Variants in HSPA14 observed in about 807,000 individuals in gnomAD.
HSPA14 encodes the protein heat shock 70 kDa protein 14.
Under a neutral mutation model 65.5 loss-of-function variants are expected in HSPA14, and 37 were observed. The observed-to-expected ratio is 0.56, with a 90% confidence interval of 0.43 to 0.74. HSPA14 has a LOEUF of 0.74. Ranked by LOEUF, HSPA14 falls within the 30% of genes least tolerant of loss-of-function variation. HSPA14 has a pLI of 0.00. For missense variants in HSPA14, 564 were observed against 607.6 expected, an observed-to-expected ratio of 0.93 and a Z score of 0.75; for synonymous variants, 203 against 214.2, an observed-to-expected ratio of 0.95 and a Z score of 0.46.
chr10:14,853,153 T>C (rs879675196), intron 8 of HSPA14, among the ~76,000 whole-genome samples: 7 of 152,106 alleles, frequency 4.6e-5, no homozygotes, highest in Non-Finnish European at 8.8e-5. Context: ...GTTGAAGAAG[T>C]CTTGAAAAAG....
intron 6 of HSPA14, among the ~76,000 whole-genome samples, chr10:14,850,319 C>T (rs896243385): frequency 1.1e-4 from 16 of 151,132 alleles, no homozygotes; most frequent in Non-Finnish European, 1.9e-4. Context: ...GGTGTACCTT[C>T]AGCTGTTTCG....
chr10:14,856,589 C>T lies in HSPA14; in HGVS notation c.993+646C>T, dbSNP rs543160279. On this transcript the variant is annotated intron_variant, in intron 10 of 13. Transcript: ENST00000378372. ...TTATACATTTAAAATGAGCCAGGTGCGATGGCTCAAGCCTGTAATGCCAAC... is the reference window on the plus strand; with the variant it reads ...TTATACATTTAAAATGAGCCAGGTGTGATGGCTCAAGCCTGTAATGCCAAC... Among the ~76,000 whole-genome samples, 159 of 152,230 alleles carry T rather than the reference C, an allele frequency of 1.0e-3. 1 individual carries two copies. The highest frequency in any genetic ancestry group is 1.9e-3 in the Non-Finnish European group (130 of 68,014).
intron 10 of HSPA14, among the ~76,000 whole-genome samples, chr10:14,861,739 C>T (rs1388340518): frequency 6.6e-6 from 1 of 152,076 alleles, no homozygotes; most frequent in Non-Finnish European, 1.5e-5. Flanking sequence ...ATCAGCCAGG[C>T]TCGGTAGCTC....
chr10:14,867,854 A>T lies in HSPA14; in HGVS notation c.1325A>T (p.Glu442Val). The T allele has an allele frequency of 6.2e-7, 1 of 1,614,154 alleles. No individual in the cohort carries two copies. The highest frequency in any genetic ancestry group is 8.5e-7 in the Non-Finnish European group (1 of 1,180,020). The change falls in exon 12 of 14, where the codon GAA becomes GTA. Residue 442 changes from glutamate (E) to valine (V), a missense_variant. Coordinates refer to ENST00000378372, the MANE Select transcript of HSPA14 (RefSeq NM_016299.4). ...GGAAGCATATCTTCAGTGTGCCTTG[A>T]ACTCTATGAGTCTGATGGGAAGAAC... ...APGSISSVCL[E>V]LYESDGKNSA...
rs766204683 is a variant in HSPA14, at chr10:14,855,929, G to T, written c.979G>T (p.Asp327Tyr). ...GLLDQNGFTA[D>Y]DINKVVLCGG... ...CTTAGATCAAAATGGATTTACAGCA[G>T]ATGATATCAACAAGGTAATGCTTTT... Residue 327 changes from aspartate to tyrosine, a missense_variant, in exon 10 of 14, where the codon GAT becomes TAT. Physicochemically the swap from Asp to Tyr is radical, Grantham distance 160. Transcript: ENST00000378372. 8.3e-6 allele frequency: 13 copies of T among 1,569,158 alleles called. No homozygotes were observed. The highest frequency in any genetic ancestry group is 1.1e-5 in the Non-Finnish European group (13 of 1,139,776).
At chr10:14,868,785 A>G (rs998521683) in intron 12 of HSPA14, among the ~76,000 whole-genome samples, 5 of 152,272 alleles carry the variant, frequency 3.3e-5, no homozygotes, top group African/African-American at 1.2e-4. Context: ...ACAGGACATG[A>G]GCATGAATTA....
At chr10:14,843,282 T>C (rs1833998551) in intron 3 of HSPA14, 1 of 1,485,806 alleles carries the variant, frequency 6.7e-7, no homozygotes, top group African/African-American at 1.4e-5. Flanking sequence ...ACAACCATAG[T>C]TTTATAATTT....
At chr10:14,858,639 A>C (rs991138324) in intron 10 of HSPA14, among the ~76,000 whole-genome samples, 1 of 152,158 alleles carries the variant, frequency 6.6e-6, no homozygotes, top group Non-Finnish European at 1.5e-5. Context: ...TCAGTGTCAC[A>C]GTGGGTATGA....
intron 2 of HSPA14, 39 bp downstream of exon 2, chr10:14,840,024 A>T (rs973171265): frequency 1.4e-6 from 2 of 1,480,648 alleles, no homozygotes; most frequent in East Asian, 2.3e-5. Context: ...GAAATAATTT[A>T]AAATTACATA....
intron 10 of HSPA14, among the ~76,000 whole-genome samples, chr10:14,863,715 T>A (rs1426221963): frequency 1.3e-5 from 2 of 152,130 alleles, no homozygotes; most frequent in African/African-American, 4.8e-5. Context: ...CTTCTCTGCC[T>A]CTCTCACTCT....
chr10:14,870,486 A>G (rs185794341), intron 12 of HSPA14, 111 bp from the exon 13 acceptor site: 1 of 1,247,022 alleles, frequency 8.0e-7, no homozygotes, highest in African/African-American at 1.6e-5. Flanking sequence ...GCCCTATTTT[A>G]AAAAGGTTTG....
At chr10:14,857,547 C>T (rs964793238) in intron 10 of HSPA14, among the ~76,000 whole-genome samples, 3 of 151,952 alleles carry the variant, frequency 2.0e-5, no homozygotes, top group African/African-American at 4.8e-5. Context: ...TTTGTTTCTC[C>T]TTGTGTGTAA....
intron 3 of HSPA14, chr10:14,846,633 A>G (rs778216338): frequency 1.1e-6 from 1 of 951,144 alleles, no homozygotes; most frequent in Non-Finnish European, 1.3e-6. Context: ...CCTCATTTAT[A>G]AAGTGGGAAA....
At chr10:14,846,385 G>C (rs1452814080) in intron 3 of HSPA14, 2 of 985,252 alleles carry the variant, frequency 2.0e-6, no homozygotes, top group Non-Finnish European at 2.4e-6. Context: ...ATTAATATTT[G>C]GATGTGGTAT....
At chr10:14,857,310 C>T (rs902311955) in intron 10 of HSPA14, among the ~76,000 whole-genome samples, 1 of 151,958 alleles carries the variant, frequency 6.6e-6, no homozygotes, top group African/African-American at 2.4e-5. Flanking sequence ...AATACTAGGT[C>T]AAGAATAAAA....
intron 10 of HSPA14, among the ~76,000 whole-genome samples, chr10:14,858,370 C>T (rs1201000483): frequency 6.6e-6 from 1 of 152,204 alleles, no homozygotes; most frequent in Non-Finnish European, 1.5e-5. Context: ...GAGATTCCCT[C>T]TTCAGATGTT....
chr10:14,867,714 C>G (rs1266304529), intron 11 of HSPA14, 22 bp from the exon 12 acceptor site: 3 of 1,600,558 alleles, frequency 1.9e-6, no homozygotes, highest in African/African-American at 2.7e-5. Context: ...AAAGAGTATG[C>G]ACCTTGTTTC....
intron 5 of HSPA14, 147 bp downstream of exon 5, chr10:14,849,042 G>C: frequency 1.9e-6 from 1 of 539,294 alleles, no homozygotes; most frequent in East Asian, 3.1e-5. Flanking sequence ...GACCTGGTTG[G>C]GGCACTAACT....
At position 14,842,587 on chromosome 10, in the gene HSPA14, A is replaced by T. The variant is rs1164079635; in HGVS notation, c.221+2430A>T. ...ATGATACGTTGGATCAGCTTCTCCG[A>T]AATCAGATAGTGACTGACCCAGACA... On this transcript the variant is annotated intron_variant, in intron 3 of 13. Transcript: ENST00000378372. The surrounding 1 kb of genome is among the most constrained non-coding windows in gnomAD (Gnocchi z 5.2). 9 of 1,536,162 alleles carry T rather than the reference A, an allele frequency of 5.9e-6. No individual in the cohort carries two copies. The Admixed American group carries it at 1.8e-4, about 30-fold the overall frequency.
Sources: gnomAD v4.1 joint callset for allele counts (sites outside exome capture counted in the v4.1 genomes callset) on GRCh38, gnomAD v4.1.1 for gene constraint, Gnocchi (gnomAD v3.1) non-coding constraint, MANE v1.5 for transcripts, NCBI Gene and HGNC (gene_info 2026-07-23, HGNC 2026-07-21) for gene names.